The following METTL8 variants were observed in gnomAD, a reference collection of about 807,000 sequenced individuals.
The protein encoded by METTL8 is methyltransferase 8, tRNA N3-cytidine.
In METTL8, 32 loss-of-function variants were observed where a neutral mutation model predicts 48.7. That is an observed-to-expected ratio of 0.66 (90% CI 0.50 to 0.88). The LOEUF (loss-of-function observed/expected upper bound fraction) is 0.88. Among genes scored for constraint, METTL8 ranks in the 40% least tolerant of loss-of-function variants. The probability of loss-of-function intolerance (pLI) is 0.00; values close to 1 mark genes in which losing one functional copy is unlikely to be tolerated. For missense variants in METTL8, 464 were observed against 474.4 expected (o/e 0.98, Z 0.20); for synonymous variants, 136 against 157.1 (o/e 0.87, Z 1.01).
chr2:171,339,220 C>A lies in METTL8; in HGVS notation c.570G>T (p.Leu190Phe). ...KHKKGPMETG[L>F]FPGSNATFRI... Reference sequence around the variant, plus strand: ...TGAAAGTGGCATTGCTACCAGGAAACAATCCAGTCTCCATAGGTCCTTTTT... The same window carrying A: ...TGAAAGTGGCATTGCTACCAGGAAAAAATCCAGTCTCCATAGGTCCTTTTT... Residue 190 changes from leucine to phenylalanine, a missense_variant, in exon 4 of 10, where the codon TTG becomes TTT. Transcript: ENST00000375258. 1 of 1,564,398 alleles carries A rather than the reference C, an allele frequency of 6.4e-7. No individual in the cohort carries two copies. The highest frequency in any genetic ancestry group is 8.7e-7 in the Non-Finnish European group (1 of 1,154,372).
chr2:171,348,884 TATAG>T (rs753011691), intron 3 of METTL8, among the ~76,000 whole-genome samples: 142 of 152,286 alleles, frequency 9.3e-4, no homozygotes, highest in Non-Finnish European at 1.8e-3. Context: ...CAGAAAGTCC[TATAG>T]AGAGAATATA....
At chr2:171,433,627 G>A (rs1375865850) in intron 1 of METTL8, among the ~76,000 whole-genome samples, 1 of 152,224 alleles carries the variant, frequency 6.6e-6, no homozygotes, top group Non-Finnish European at 1.5e-5. Flanking sequence ...CAATAAGAAT[G>A]TAAGCATTTC....
At chr2:171,412,726 GAA>G (rs536551109) in intron 1 of METTL8, among the ~76,000 whole-genome samples, 1 of 136,158 alleles carries the variant, frequency 7.3e-6, no homozygotes. Flanking sequence ...TGGACTCACA[GAA>G]AAAAAAAAAA....
chr2:171,411,545 A>C (rs1195916262), intron 1 of METTL8, among the ~76,000 whole-genome samples: 1 of 152,240 alleles, frequency 6.6e-6, no homozygotes, highest in African/African-American at 2.4e-5. Flanking sequence ...TCCATTTGTA[A>C]TAAAGTTAGT....
chr2:171,400,611 A>G (rs995620511), intron 1 of METTL8, among the ~76,000 whole-genome samples: 7 of 152,208 alleles, frequency 4.6e-5, no homozygotes, highest in Non-Finnish European at 7.3e-5. Context: ...AACAATATGT[A>G]TAATCTGTAC....
At chr2:171,361,275 T>G (rs1232421226) in intron 2 of METTL8, among the ~76,000 whole-genome samples, 1 of 151,912 alleles carries the variant, frequency 6.6e-6, no homozygotes, top group African/African-American at 2.4e-5. Flanking sequence ...TGCAATAGGT[T>G]AGACTATAAG....
chr2:171,405,919 G>T (rs561998121), intron 1 of METTL8, among the ~76,000 whole-genome samples: 1 of 152,210 alleles, frequency 6.6e-6, no homozygotes, highest in Non-Finnish European at 1.5e-5. Flanking sequence ...ATGAGAAAAG[G>T]AGGAACAGAA....
intron 2 of METTL8, among the ~76,000 whole-genome samples, chr2:171,367,320 T>C (rs144887275): frequency 2.9e-4 from 44 of 152,248 alleles, no homozygotes; most frequent in African/African-American, 1.1e-3. Flanking sequence ...AAACTACAGC[T>C]GATTTCTCAT....
At chr2:171,381,286 C>T (rs1015758705) in intron 2 of METTL8, among the ~76,000 whole-genome samples, 4 of 151,944 alleles carry the variant, frequency 2.6e-5, no homozygotes, top group African/African-American at 9.7e-5. Flanking sequence ...AATGTAAAAC[C>T]AAAAAACATA....
At chr2:171,420,518 A>G (rs77759776) in intron 1 of METTL8, among the ~76,000 whole-genome samples, 1,758 of 152,336 alleles carry the variant, frequency 0.012, 45 homozygotes, top group African/African-American at 0.039. Context: ...CCTTGCTGCT[A>G]TCAACCACCC....
chr2:171,329,818 G>C lies in METTL8; in HGVS notation c.860+741C>G, dbSNP rs192350367. On this transcript the variant is annotated intron_variant, in intron 7 of 9. Transcript: ENST00000375258. ...CGCCAAGTCTGTATCTTCCACCAGG[G>C]AACTGTGAGAACCCAATTTTAAGAA... Among the ~76,000 whole-genome samples, 27 of 152,288 alleles carry C rather than the reference G, an allele frequency of 1.8e-4. No homozygotes were observed. In the East Asian group the frequency reaches 4.4e-3, roughly 25 times the overall value.
intron 3 of METTL8, among the ~76,000 whole-genome samples, chr2:171,345,678 A>G (rs2105435009): frequency 6.6e-6 from 1 of 152,314 alleles, no homozygotes; most frequent in African/African-American, 2.4e-5. Flanking sequence ...AGTGAGACTC[A>G]TTCTTTTGCT....
In METTL8 at chr2:171,363,792, T is replaced by TTATATATATATATATA. The variant is rs200347847; in HGVS notation, c.144-3295_144-3280dup. Among the ~76,000 whole-genome samples, 167 of 97,440 alleles carry TTATATATATATATATA rather than the reference T, an allele frequency of 1.7e-3. 2 individuals carry two copies. Among genetic ancestry groups the TTATATATATATATATA allele is most frequent in the African/African-American group, 5.3e-3 (129 of 24,394 alleles). 63.9% of individuals were successfully genotyped at this position (97,440 alleles called of 152,430 possible). A position where few individuals can be genotyped will look rare whatever the true frequency, so the allele number is the denominator to read the frequency against. On this transcript the variant is annotated intron_variant, in intron 2 of 9. Coordinates refer to ENST00000375258, the MANE Select transcript of METTL8 (RefSeq NM_001321154.2). The stretch of plus-strand genomic sequence containing the variant: ...GGTTAAAAAAGTACATCCCCAAATT[T>TTATATATATATATATA]TATATATATATATATATATATATCT...
chr2:171,331,044 T>C (rs1194959654), intron 6 of METTL8, among the ~76,000 whole-genome samples: 1 of 152,178 alleles, frequency 6.6e-6, no homozygotes, highest in Non-Finnish European at 1.5e-5. Context: ...CGATTATTCA[T>C]GGGCAGGCAT....
intron 5 of METTL8, among the ~76,000 whole-genome samples, chr2:171,335,668 G>C (rs551810271): frequency 3.5e-4 from 54 of 152,202 alleles, no homozygotes; most frequent in African/African-American, 1.2e-3. Context: ...CAAGTGATCT[G>C]CCTGCCTCGT....
At chr2:171,410,079 G>A (rs889782880) in intron 1 of METTL8, among the ~76,000 whole-genome samples, 5 of 152,200 alleles carry the variant, frequency 3.3e-5, no homozygotes, top group Admixed American at 2.0e-4. Flanking sequence ...AAGAATAATT[G>A]AGAATATTAA....
At chr2:171,332,395 C>T (rs1470322196) in intron 5 of METTL8, 1 of 153,674 alleles carries the variant, frequency 6.5e-6, no homozygotes, top group Non-Finnish European at 1.4e-5. Context: ...ATTCTCCCGC[C>T]TCAATCTCCC....
intron 2 of METTL8, among the ~76,000 whole-genome samples, chr2:171,365,257 C>T (rs1181227281): frequency 6.6e-6 from 1 of 152,168 alleles, no homozygotes; most frequent in Admixed American, 6.5e-5. Context: ...CTCCTGAAAC[C>T]CACTCCCACT....
intron 2 of METTL8, among the ~76,000 whole-genome samples, 154 bp downstream of exon 2, chr2:171,391,889 A>G (rs954843204): frequency 6.6e-6 from 1 of 152,202 alleles, no homozygotes; most frequent in Non-Finnish European, 1.5e-5. Context: ...AATCAGCAAC[A>G]CTTAAGTCAG....
Sources: gnomAD v4.1 joint callset for allele counts (sites outside exome capture counted in the v4.1 genomes callset) on GRCh38, gnomAD v4.1.1 for gene constraint, MANE v1.5 for transcripts, NCBI Gene and HGNC (gene_info 2026-07-23, HGNC 2026-07-21) for gene names.